The following COL5A2 variants were observed in gnomAD, a reference collection of about 807,000 sequenced individuals.
COL5A2 encodes collagen alpha-2(V) chain.
COL5A2 carries 23 observed loss-of-function variants against 208.2 expected under a neutral mutation model. That is an observed-to-expected ratio of 0.11 (90% CI 0.08 to 0.16). The LOEUF is 0.16. Among genes scored for constraint, COL5A2 ranks in the 10% least tolerant of loss-of-function variants. COL5A2 has a pLI of 1.00. For synonymous variants in COL5A2, 625 were observed against 628.5 expected (o/e 0.99, Z 0.08); for missense variants, 1,590 against 1,956.4 (o/e 0.81, Z 3.53).
the COL5A2 span, among the ~76,000 whole-genome samples, chr2:189,415,242 CAGTT>C: frequency 6.6e-6 from 1 of 152,078 alleles, no homozygotes; most frequent in African/African-American, 2.4e-5. Context: ...ATTTTAACTT[CAGTT>C]ATTTAGGGTA....
chr2:189,330,760 C>T, the COL5A2 span, among the ~76,000 whole-genome samples: 8 of 152,194 alleles, frequency 5.3e-5, no homozygotes, highest in Non-Finnish European at 1.2e-4. Context: ...AGAGCACAGG[C>T]TCATTGCAAT....
chr2:189,417,741 T>C, the COL5A2 span, among the ~76,000 whole-genome samples: 1 of 152,018 alleles, frequency 6.6e-6, no homozygotes, highest in Non-Finnish European at 1.5e-5. Context: ...TGTCCTCCAG[T>C]TCCATCCATG....
chr2:189,248,148 C>T, the COL5A2 span, among the ~76,000 whole-genome samples: 6 of 152,172 alleles, frequency 3.9e-5, no homozygotes, highest in Admixed American at 3.3e-4. Context: ...AGCCACAAAA[C>T]GTTATAGTTT....
the COL5A2 span, among the ~76,000 whole-genome samples, chr2:189,281,469 T>C: frequency 1.3e-5 from 2 of 152,202 alleles, no homozygotes; most frequent in African/African-American, 4.8e-5. Flanking sequence ...TTGAGTTTAC[T>C]GGATATTTAA....
At chr2:189,122,210 A>G (rs1687515716) in intron 1 of COL5A2, among the ~76,000 whole-genome samples, 1 of 152,276 alleles carries the variant, frequency 6.6e-6, no homozygotes, top group Non-Finnish European at 1.5e-5. Context: ...AATAGTTTAT[A>G]TAAGATACGA....
intron 1 of COL5A2, among the ~76,000 whole-genome samples, chr2:189,165,453 T>C (rs1688445687): frequency 6.6e-6 from 1 of 152,188 alleles, no homozygotes; most frequent in Admixed American, 6.5e-5. Context: ...CTTCCTCCTA[T>C]CAAACCTAGT....
At chr2:189,121,289 A>T (rs1322245643) in intron 1 of COL5A2, among the ~76,000 whole-genome samples, 1 of 152,010 alleles carries the variant, frequency 6.6e-6, no homozygotes, top group African/African-American at 2.4e-5. Flanking sequence ...TCCAAGGTGT[A>T]TAATATTGTT....
At chr2:189,094,906 T>A (rs1377519543) in intron 6 of COL5A2, among the ~76,000 whole-genome samples, 1 of 151,562 alleles carries the variant, frequency 6.6e-6, no homozygotes, top group Non-Finnish European at 1.5e-5. Flanking sequence ...ACTACTGACA[T>A]ACTAGTTCTC....
chr2:189,351,740 G>A, the COL5A2 span, among the ~76,000 whole-genome samples: 1 of 152,056 alleles, frequency 6.6e-6, no homozygotes, highest in Non-Finnish European at 1.5e-5. Flanking sequence ...TGAAAAGGGG[G>A]CAGGACGGAA....
intron 1 of COL5A2, among the ~76,000 whole-genome samples, chr2:189,157,599 T>C (rs1236449691): frequency 6.6e-6 from 1 of 152,020 alleles, no homozygotes; most frequent in African/African-American, 2.4e-5. Flanking sequence ...TATTATCTAC[T>C]TCAAAGTGTT....
At chr2:189,312,302 G>A in the COL5A2 span, among the ~76,000 whole-genome samples, 7 of 152,010 alleles carry the variant, frequency 4.6e-5, no homozygotes, top group African/African-American at 1.5e-4. Flanking sequence ...TATCCTTCTC[G>A]TTCTGGATGT....
chr2:189,167,398 T>A (rs1311162368), intron 1 of COL5A2, among the ~76,000 whole-genome samples: 1 of 152,184 alleles, frequency 6.6e-6, no homozygotes, highest in Admixed American at 6.5e-5. Flanking sequence ...TTTGTTGTCA[T>A]CCTTTACATA....
At chr2:189,111,284 A>G (rs1217222976) in intron 1 of COL5A2, among the ~76,000 whole-genome samples, 2 of 152,170 alleles carry the variant, frequency 1.3e-5, no homozygotes, top group East Asian at 3.8e-4. Context: ...TTATACATTT[A>G]CTAACAAGTA....
the COL5A2 span, among the ~76,000 whole-genome samples, chr2:189,318,087 A>C: frequency 6.6e-6 from 1 of 152,140 alleles, no homozygotes; most frequent in African/African-American, 2.4e-5. Context: ...TACAGAACCA[A>C]GATATTATCG....
In COL5A2 at chr2:189,057,177, T is replaced by C. The variant is rs73978813; in HGVS notation, c.2337+143A>G. On this transcript the variant is annotated intron_variant, in intron 34 of 53. Transcript: ENST00000374866. ...TGCCTCACACTGTGCATTTTCTCAG[T>C]AAATGTTTATTAGAAGAATGAAAAA... The C allele has an allele frequency of 2.2e-3, 2,324 of 1,038,928 alleles. 29 individuals carry two copies. In the African/African-American group the frequency reaches 0.033, roughly 15 times the overall value. The allele number at this position is 1,038,928 out of a possible 1,614,324, so 64.4% of individuals were successfully genotyped here. A position where few individuals can be genotyped will look rare whatever the true frequency, so the allele number is the denominator to read the frequency against.
At chr2:189,295,104 C>G in the COL5A2 span, among the ~76,000 whole-genome samples, 1 of 152,156 alleles carries the variant, frequency 6.6e-6, no homozygotes, top group African/African-American at 2.4e-5. Context: ...CCACCACACC[C>G]AGCTACACAC....
At chr2:189,250,722 C>T in the COL5A2 span, among the ~76,000 whole-genome samples, 6 of 152,046 alleles carry the variant, frequency 3.9e-5, no homozygotes, top group Admixed American at 6.5e-5. Flanking sequence ...CTTAACTGTC[C>T]TGACCCTACT....
At chr2:189,228,993 G>C (rs1287967302), upstream of COL5A2, among the ~76,000 whole-genome samples, 1 of 151,832 alleles carries the variant, frequency 6.6e-6, no homozygotes, top group Non-Finnish European at 1.5e-5. Flanking sequence ...GGGATGCAAG[G>C]ATGGCTCATC....
intron 3 of COL5A2, 66 bp from the exon 4 acceptor site, chr2:189,100,205 T>C: frequency 7.9e-7 from 1 of 1,268,044 alleles, no homozygotes; most frequent in Non-Finnish European, 1.2e-6. Context: ...GGCAAAAACA[T>C]GTCACCCTAG....
Sources: allele counts gnomAD v4.1 joint callset (sites outside exome capture counted in the v4.1 genomes callset), GRCh38; gene constraint gnomAD v4.1.1; transcripts MANE v1.5; gene names NCBI Gene and HGNC (gene_info 2026-07-23, HGNC 2026-07-21).